The following MRRF variants were observed in gnomAD, a reference collection of about 807,000 sequenced individuals.
MRRF encodes the protein ribosome-recycling factor, mitochondrial.
MRRF carries 18 observed loss-of-function variants against 25.1 expected under a neutral mutation model. The ratio of observed to expected loss-of-function variants is 0.72; its 90% CI spans 0.50 to 1.06. The LOEUF is 1.06. MRRF is among the 50% of genes least tolerant of loss of function. The pLI is 0.00. For missense variants in MRRF, 323 were observed against 319.3 expected (o/e 1.01, Z -0.09); for synonymous variants, 113 against 112.1 (o/e 1.01, Z -0.05).
chr9:122,317,067 A>AATATATATATATATATATAT (rs71847269), intron 6 of MRRF, among the ~76,000 whole-genome samples: 6 of 145,454 alleles, frequency 4.1e-5, no homozygotes, highest in Non-Finnish European at 7.6e-5. Flanking sequence ...GGTTGCAGTG[A>AATATATATATATATATATAT]ATATATATAT....
In MRRF at chr9:122,323,551, A is replaced by T. The variant is rs1564520716; in HGVS notation, c.*934A>T. On this transcript the variant is annotated 3_prime_UTR_variant, in exon 7 of 7. Transcript: ENST00000344641. Reference sequence around the variant, plus strand: ...TGTTCTCAACATTTACTTGGTAGTGACATACCTTTCCTGCAGGGCCTGCCC... The same window carrying T: ...TGTTCTCAACATTTACTTGGTAGTGTCATACCTTTCCTGCAGGGCCTGCCC... 6.6e-6 allele frequency: 1 copy of T among 152,218 alleles called. No individual in the cohort carries two copies. The highest frequency in any genetic ancestry group is 2.4e-5 in the African/African-American group (1 of 41,446). 9.4% of individuals were successfully genotyped at this position (152,218 alleles called of 1,614,324 possible).
intron 6 of MRRF, among the ~76,000 whole-genome samples, chr9:122,317,203 T>C (rs775251907): frequency 1.3e-5 from 2 of 151,976 alleles, no homozygotes; most frequent in Non-Finnish European, 1.5e-5. Context: ...ACTGTGTTTT[T>C]AGAATATATA....
intron 2 of MRRF, among the ~76,000 whole-genome samples, chr9:122,275,118 A>C: frequency 6.7e-6 from 1 of 150,172 alleles, no homozygotes; most frequent in East Asian, 1.9e-4. Context: ...TTGCGAAAGC[A>C]CATAAAATCT....
At chr9:122,265,955 C>T (rs914424222) in intron 1 of MRRF, among the ~76,000 whole-genome samples, 2 of 152,356 alleles carry the variant, frequency 1.3e-5, no homozygotes, top group Non-Finnish European at 2.9e-5. Context: ...ACATCATCTA[C>T]TATCTCTAAG....
intron 1 of MRRF, among the ~76,000 whole-genome samples, chr9:122,266,222 A>T (rs963444998): frequency 6.6e-6 from 1 of 152,374 alleles, no homozygotes; most frequent in East Asian, 1.9e-4. Context: ...GGAGGGAATT[A>T]GACAATCAAA....
chr9:122,321,524 G>T (rs1835893210), intron 6 of MRRF, among the ~76,000 whole-genome samples: 1 of 152,164 alleles, frequency 6.6e-6, no homozygotes, highest in Admixed American at 6.5e-5. Flanking sequence ...CCAGTTGAGA[G>T]ATTTTGGGGT....
At chr9:122,309,271 T>C (rs998974455) in intron 5 of MRRF, among the ~76,000 whole-genome samples, 1 of 152,236 alleles carries the variant, frequency 6.6e-6, no homozygotes, top group African/African-American at 2.4e-5. Context: ...TAATATTATA[T>C]GCATATACCA....
chr9:122,296,662 G>A (rs969627242), intron 5 of MRRF, among the ~76,000 whole-genome samples: 1 of 152,074 alleles, frequency 6.6e-6, no homozygotes, highest in Non-Finnish European at 1.5e-5. Context: ...CTTAATCAGG[G>A]GCCCTGAAAA....
At chr9:122,309,812 GAA>G (rs1205576336) in intron 5 of MRRF, among the ~76,000 whole-genome samples, 3 of 152,184 alleles carry the variant, frequency 2.0e-5, no homozygotes, top group Non-Finnish European at 4.4e-5. Context: ...AATGAATCCT[GAA>G]AAGAGAAAAT....
chr9:122,276,254 G>A (rs565354408), intron 2 of MRRF, among the ~76,000 whole-genome samples: 1 of 152,156 alleles, frequency 6.6e-6, no homozygotes, highest in Admixed American at 6.5e-5. Context: ...AAGGTTAGAA[G>A]TTTCTGTCTA....
intron 1 of MRRF, among the ~76,000 whole-genome samples, chr9:122,266,504 T>C (rs1305970349): frequency 6.6e-6 from 1 of 152,194 alleles, no homozygotes; most frequent in African/African-American, 2.4e-5. Flanking sequence ...AAAGATCACT[T>C]TTCTTATTTT....
chr9:122,322,789 T>C lies in MRRF; in HGVS notation c.*172T>C. 5 of 693,138 alleles carry C rather than the reference T, an allele frequency of 7.2e-6. No individual in the cohort carries two copies. Among genetic ancestry groups the C allele is most frequent in the East Asian group, 5.4e-5 (2 of 36,798 alleles). The allele number at this position is 693,138 out of a possible 1,614,324, so 42.9% of individuals were successfully genotyped here. A position where few individuals can be genotyped will look rare whatever the true frequency, so the allele number is the denominator to read the frequency against. On this transcript the variant is annotated 3_prime_UTR_variant, in exon 7 of 7. Coordinates refer to ENST00000344641, the MANE Select transcript of MRRF (RefSeq NM_138777.5). ...GGGGAACACTCAGACATGTTCATTC[T>C]CTTCCTGCTTCTGCTCTGGGCCGGT...
At chr9:122,295,296 A>G (rs549642414) in intron 5 of MRRF, among the ~76,000 whole-genome samples, 3 of 152,300 alleles carry the variant, frequency 2.0e-5, no homozygotes, top group African/African-American at 7.2e-5. Flanking sequence ...TTAGGGATGA[A>G]GAAAATGAGA....
At chr9:122,305,959 A>G (rs1834815402) in intron 5 of MRRF, among the ~76,000 whole-genome samples, 1 of 152,214 alleles carries the variant, frequency 6.6e-6, no homozygotes, top group Non-Finnish European at 1.5e-5. Context: ...ATTAGCTAAT[A>G]TACTCGTAAC....
intron 4 of MRRF, among the ~76,000 whole-genome samples, chr9:122,291,301 G>A (rs1272355094): frequency 4.6e-5 from 7 of 152,166 alleles, no homozygotes; most frequent in African/African-American, 1.4e-4. Flanking sequence ...GTGCAGATGC[G>A]AATGAGTTAA....
chr9:122,308,436 C>T (rs528584634), intron 5 of MRRF, among the ~76,000 whole-genome samples: 12 of 146,118 alleles, frequency 8.2e-5, no homozygotes, highest in Non-Finnish European at 3.0e-5. Flanking sequence ...CGGTGGCTGA[C>T]GCCTGTAATC....
At chr9:122,291,681 T>G (rs1833777743) in intron 4 of MRRF, 68 bp from the exon 5 acceptor site, 1 of 1,122,738 alleles carries the variant, frequency 8.9e-7, no homozygotes, top group Non-Finnish European at 1.4e-6. Flanking sequence ...TTGCCAGTTA[T>G]CGACAGAGGG....
At chr9:122,315,620 G>A (rs930834432) in intron 6 of MRRF, among the ~76,000 whole-genome samples, 5 of 152,172 alleles carry the variant, frequency 3.3e-5, no homozygotes, top group African/African-American at 9.7e-5. Flanking sequence ...AAGAGGTTCA[G>A]AGATTAGGCG....
rs112567017 is a variant in MRRF, at chr9:122,268,471, T to G, written c.-28-2393T>G. Among the ~76,000 whole-genome samples, 936 of 152,354 alleles carry G rather than the reference T, an allele frequency of 6.1e-3. 5 individuals are homozygous for G. The highest frequency in any genetic ancestry group is 0.011 in the Non-Finnish European group (724 of 68,030). The stretch of plus-strand genomic sequence containing the variant: ...ATAAGTATGAGTTAGGCATTGGTTT[T>G]ATTAGGGAAAAACCTAGATATAGAA... On this transcript the variant is annotated intron_variant, in intron 1 of 6. Transcript: ENST00000344641.
Sources: allele counts gnomAD v4.1 joint callset (sites outside exome capture counted in the v4.1 genomes callset), GRCh38; gene constraint gnomAD v4.1.1; transcripts MANE v1.5; gene names NCBI Gene and HGNC (gene_info 2026-07-23, HGNC 2026-07-21).